The following ZNF679 variants were observed in gnomAD, a reference collection of about 807,000 sequenced individuals.
The protein encoded by ZNF679 is hypothetical protein MGC42415.
A neutral mutation model predicts 13.4 loss-of-function variants in ZNF679; 10 were observed. The observed-to-expected ratio is 0.75, with a 90% CI of 0.46 to 1.27. The LOEUF (loss-of-function observed/expected upper bound fraction) is 1.27. Ranked by LOEUF, ZNF679 falls within the 50% of genes most tolerant of loss-of-function variation. The pLI, the probability that ZNF679 is intolerant of heterozygous loss-of-function variation, is 0.00. For missense variants in ZNF679, 525 were observed against 477.8 expected, an observed-to-expected ratio of 1.10 and a Z score of -0.92; for synonymous variants, 179 against 162.5, an observed-to-expected ratio of 1.10 and a Z score of -0.77.
chr7:64,244,079 G>A (rs886758471), intron 1 of ZNF679, among the ~76,000 whole-genome samples: 1 of 152,010 alleles, frequency 6.6e-6, no homozygotes, highest in Non-Finnish European at 1.5e-5. Flanking sequence ...GTGAAACTTG[G>A]TCTCTAATAA....
intron 1 of ZNF679, among the ~76,000 whole-genome samples, chr7:64,230,506 G>T (rs1216074192): frequency 6.8e-6 from 1 of 147,782 alleles, no homozygotes; most frequent in Non-Finnish European, 1.5e-5. Context: ...GCAGTCCGCA[G>T]TCTGGCCTGG....
intron 2 of ZNF679, among the ~76,000 whole-genome samples, chr7:64,259,942 A>G (rs1788052746): frequency 6.6e-6 from 1 of 152,158 alleles, no homozygotes; most frequent in African/African-American, 2.4e-5. Context: ...AGGAAAAAAA[A>G]AAGAAAAAAG....
intron 1 of ZNF679, among the ~76,000 whole-genome samples, chr7:64,231,274 G>A (rs1245452708): frequency 1.3e-5 from 2 of 152,166 alleles, no homozygotes; most frequent in Non-Finnish European, 2.9e-5. Context: ...GGGCTTAAGT[G>A]TATGTCACAA....
intron 1 of ZNF679, among the ~76,000 whole-genome samples, chr7:64,237,489 T>C (rs1787743405): frequency 6.6e-6 from 1 of 152,174 alleles, no homozygotes; most frequent in Admixed American, 6.5e-5. Context: ...CGCAACAGCT[T>C]GTGTGCTGAA....
intron 4 of ZNF679, among the ~76,000 whole-genome samples, chr7:64,264,953 T>G (rs1788124616): frequency 6.6e-6 from 1 of 152,062 alleles, no homozygotes; most frequent in African/African-American, 2.4e-5. Context: ...TTTTTATTAT[T>G]CCAAGCCTAT....
intron 1 of ZNF679, among the ~76,000 whole-genome samples, chr7:64,231,809 G>A (rs889155324): frequency 1.3e-5 from 2 of 152,126 alleles, no homozygotes; most frequent in Non-Finnish European, 2.9e-5. Flanking sequence ...CTATTGGCTG[G>A]GCCCAGGCAA....
rs767706029 is a variant in ZNF679, at chr7:64,260,459, G to A, written c.166+112G>A. 15 of 1,473,978 alleles carry A rather than the reference G, an allele frequency of 1.0e-5. No homozygotes were observed. The African/African-American group carries it at 1.6e-4, about 15-fold the overall frequency. The allele number at this position is 1,473,978 out of a possible 1,614,324, so 91.3% of individuals were successfully genotyped here. A position where few individuals can be genotyped will look rare whatever the true frequency, so the allele number is the denominator to read the frequency against. Reference sequence around the variant, plus strand: ...GTGAATTTTAGCTCTCTGATTTGAAGAAAATCTTGGGGATTCATTGGTGTA... The same window carrying A: ...GTGAATTTTAGCTCTCTGATTTGAAAAAAATCTTGGGGATTCATTGGTGTA... On this transcript the variant is annotated intron_variant, in intron 3 of 4. Transcript: ENST00000421025.
chr7:64,233,254 A>C (rs201122219), intron 1 of ZNF679, among the ~76,000 whole-genome samples: 5,218 of 41,944 alleles, frequency 0.12, 167 homozygotes, highest in East Asian at 0.46. Context: ...ACAAATAAAC[A>C]AAAAAAAAAA....
At chr7:64,247,329 G>A (rs185260555) in intron 1 of ZNF679, among the ~76,000 whole-genome samples, 28 of 152,282 alleles carry the variant, frequency 1.8e-4, no homozygotes, top group African/African-American at 6.7e-4. Context: ...ACCTATTCCA[G>A]ATGCAGTTGC....
intron 1 of ZNF679, among the ~76,000 whole-genome samples, chr7:64,236,077 C>G (rs921619294): frequency 2.6e-5 from 4 of 151,882 alleles, no homozygotes; most frequent in Admixed American, 2.6e-4. Flanking sequence ...CCAGCCTGAC[C>G]AACATGGTGA....
At chr7:64,262,876 C>A (rs780453176) in intron 4 of ZNF679, among the ~76,000 whole-genome samples, 8 of 152,146 alleles carry the variant, frequency 5.3e-5, no homozygotes, top group Non-Finnish European at 1.0e-4. Flanking sequence ...TTGTTCACCA[C>A]TGTGGGTTAT....
At chr7:64,240,374 T>G (rs1026198222) in intron 1 of ZNF679, among the ~76,000 whole-genome samples, 35 of 152,194 alleles carry the variant, frequency 2.3e-4, no homozygotes, top group African/African-American at 7.0e-4. Context: ...CTCTCATACT[T>G]GGATCCAGCT....
intron 1 of ZNF679, among the ~76,000 whole-genome samples, chr7:64,235,967 T>C (rs2116510006): frequency 6.6e-6 from 1 of 152,166 alleles, no homozygotes; most frequent in Admixed American, 6.5e-5. Context: ...AAAAAATTTC[T>C]TTTTTTAAAA....
At chr7:64,256,643 T>C (rs764433647) in intron 2 of ZNF679, among the ~76,000 whole-genome samples, 3 of 152,006 alleles carry the variant, frequency 2.0e-5, no homozygotes, top group Non-Finnish European at 4.4e-5. Context: ...ATTAATCTAG[T>C]ATTTTATCTA....
In ZNF679 at chr7:64,260,393, T is replaced by C. The variant is rs372485328; in HGVS notation, c.166+46T>C. On this transcript the variant is annotated intron_variant, in intron 3 of 4. Coordinates refer to ENST00000421025, the MANE Select transcript of ZNF679 (RefSeq NM_153363.3). ...CAATTCCTAATATATTTCTTTTCTC[T>C]CTTTTCTAAAATGTTTTTTGGTAAT... The C allele has an allele frequency of 4.5e-6, 7 of 1,553,804 alleles. No homozygotes were observed. The East Asian group carries it at 1.2e-4, about 26-fold the overall frequency.
intron 1 of ZNF679, among the ~76,000 whole-genome samples, chr7:64,248,303 G>A (rs756405072): frequency 6.4e-4 from 95 of 149,012 alleles, no homozygotes; most frequent in Non-Finnish European, 1.0e-3. Context: ...TTTTTTTTGA[G>A]ACCGAGTCTG....
Position 64,266,907 on chromosome 7 carries a change from AAAT to A in ZNF679, c.*42_*44del. 1 of 1,475,136 alleles carries A rather than the reference AAAT, an allele frequency of 6.8e-7. No homozygotes were observed. The highest frequency in any genetic ancestry group is 9.0e-7 in the Non-Finnish European group (1 of 1,115,806). The allele number at this position is 1,475,136 out of a possible 1,614,324, so 91.4% of individuals were successfully genotyped here. ...CAGCCTTCAGACCTTATAATACATA[AAAT>A]AATTTATACTTGAAAAAATCACTAC... On this transcript the variant is annotated 3_prime_UTR_variant, in exon 5 of 5. Transcript: ENST00000421025.
At chr7:64,264,807 T>C (rs1325863774) in intron 4 of ZNF679, among the ~76,000 whole-genome samples, 4 of 152,126 alleles carry the variant, frequency 2.6e-5, no homozygotes, top group Non-Finnish European at 4.4e-5. Flanking sequence ...TAGTGACTTT[T>C]GAAACTTTGT....
At chr7:64,236,573 T>A (rs2116510992) in intron 1 of ZNF679, among the ~76,000 whole-genome samples, 1 of 152,054 alleles carries the variant, frequency 6.6e-6, no homozygotes, top group South Asian at 2.1e-4. Flanking sequence ...TCACCTAAGG[T>A]CAGGAGTTTG....
Sources: gnomAD v4.1 joint callset for allele counts (sites outside exome capture counted in the v4.1 genomes callset) on GRCh38, gnomAD v4.1.1 for gene constraint, MANE v1.5 for transcripts, NCBI Gene and HGNC (gene_info 2026-07-23, HGNC 2026-07-21) for gene names.